ZDHHC14: variants seen among roughly 807,000 people sequenced by gnomAD.
ZDHHC14 encodes the protein zDHHC palmitoyltransferase 14.
In ZDHHC14, 16 loss-of-function variants were observed where a neutral mutation model predicts 47.7. That is an observed-to-expected ratio of 0.34 (90% CI 0.23 to 0.51). The LOEUF (loss-of-function observed/expected upper bound fraction) is 0.51. Ranked by LOEUF, ZDHHC14 falls within the 20% of genes least tolerant of loss-of-function variation. The pLI, the probability that ZDHHC14 is intolerant of heterozygous loss-of-function variation, is 0.97. For missense variants in ZDHHC14, 515 were observed against 662.5 expected (o/e 0.78, Z 2.44); for synonymous variants, 293 against 278.9 (o/e 1.05, Z -0.50).
At chr6:157,464,448 G>A (rs947425161) in intron 1 of ZDHHC14, among the ~76,000 whole-genome samples, 1 of 152,138 alleles carries the variant, frequency 6.6e-6, no homozygotes, top group Non-Finnish European at 1.5e-5. Context: ...GATAATTCCT[G>A]ATTAGATATT....
intron 1 of ZDHHC14, among the ~76,000 whole-genome samples, chr6:157,439,466 C>G (rs1778517250): frequency 6.6e-6 from 1 of 152,136 alleles, no homozygotes; most frequent in Non-Finnish European, 1.5e-5. Context: ...GAGATACCAT[C>G]TCACACCAGT....
At chr6:157,576,390 G>C (rs1347116940) in intron 2 of ZDHHC14, among the ~76,000 whole-genome samples, 1 of 152,170 alleles carries the variant, frequency 6.6e-6, no homozygotes, top group Non-Finnish European at 1.5e-5. Context: ...AATAAAAGGA[G>C]TTGACTTGTC....
intron 1 of ZDHHC14, among the ~76,000 whole-genome samples, chr6:157,432,207 C>T (rs769566338): frequency 1.3e-5 from 2 of 152,142 alleles, no homozygotes; most frequent in Non-Finnish European, 2.9e-5. Context: ...GGCTTCATAG[C>T]TGTGCATATT....
chr6:157,416,675 A>G (rs1356364952), intron 1 of ZDHHC14, among the ~76,000 whole-genome samples: 5 of 19,052 alleles, frequency 2.6e-4, no homozygotes, highest in Non-Finnish European at 1.4e-3. Context: ...CTCATTAAAA[A>G]AAAAAAAAAA....
At chr6:157,504,783 G>GTTT (rs1780283287) in intron 1 of ZDHHC14, among the ~76,000 whole-genome samples, 1 of 149,198 alleles carries the variant, frequency 6.7e-6, no homozygotes, top group Non-Finnish European at 1.5e-5. Context: ...AAAATACCAT[G>GTTT]TGTTTTGTTT....
chr6:157,563,643 T>TC (rs927410553), intron 2 of ZDHHC14, among the ~76,000 whole-genome samples: 2 of 152,112 alleles, frequency 1.3e-5, no homozygotes, highest in East Asian at 3.8e-4. Context: ...TTGGAGTGTG[T>TC]CCCCAGCCAG....
intron 1 of ZDHHC14, among the ~76,000 whole-genome samples, chr6:157,445,791 AAGAG>A (rs753709613): frequency 4.5e-4 from 69 of 151,676 alleles, no homozygotes; most frequent in Admixed American, 1.2e-3. Context: ...GAGAGAGAGA[AAGAG>A]AGAGAGAGAG....
chr6:157,649,173 G>A (rs1777700709), intron 7 of ZDHHC14, among the ~76,000 whole-genome samples: 1 of 152,174 alleles, frequency 6.6e-6, no homozygotes, highest in South Asian at 2.1e-4. Flanking sequence ...TTGTTAAAAG[G>A]TAAACTGAAG....
chr6:157,622,739 C>A (rs2114941352), intron 3 of ZDHHC14, among the ~76,000 whole-genome samples: 1 of 152,218 alleles, frequency 6.6e-6, no homozygotes, highest in East Asian at 1.9e-4. Context: ...AGTCCTGGAA[C>A]CCTGTTTTGT....
chr6:157,420,455 A>C (rs1252871594), intron 1 of ZDHHC14, among the ~76,000 whole-genome samples: 1 of 150,758 alleles, frequency 6.6e-6, no homozygotes, highest in African/African-American at 2.5e-5. Context: ...GGCTGAATCG[A>C]GGCACTAATG....
At chr6:157,641,010 C>CT (rs1028486404) in intron 5 of ZDHHC14, among the ~76,000 whole-genome samples, 39 of 151,980 alleles carry the variant, frequency 2.6e-4, no homozygotes, top group Middle Eastern at 3.4e-3. Flanking sequence ...AAAAAGGACT[C>CT]TTTTTTTTGC....
chr6:157,654,740 C>T (rs1341879942), intron 8 of ZDHHC14, among the ~76,000 whole-genome samples: 1 of 145,868 alleles, frequency 6.9e-6, no homozygotes, highest in African/African-American at 2.5e-5. Flanking sequence ...TTTTCTCTCT[C>T]TTTTTTTTTT....
chr6:157,522,835 CCCTTCCTT>C (rs1582883447), intron 1 of ZDHHC14, among the ~76,000 whole-genome samples: 8 of 25,126 alleles, frequency 3.2e-4, no homozygotes, highest in Non-Finnish European at 5.4e-4. Context: ...CTCCCTCCCT[CCCTTCCTT>C]CCTTCCTTTC....
At chr6:157,385,304 A>C (rs934272794) in intron 1 of ZDHHC14, among the ~76,000 whole-genome samples, 1 of 151,688 alleles carries the variant, frequency 6.6e-6, no homozygotes, top group Non-Finnish European at 1.5e-5. Flanking sequence ...GTTGCTCACT[A>C]TGATCCTGGG....
At chr6:157,436,635 C>T (rs993398831) in intron 1 of ZDHHC14, among the ~76,000 whole-genome samples, 4 of 152,044 alleles carry the variant, frequency 2.6e-5, no homozygotes, top group East Asian at 1.9e-4. Flanking sequence ...TGGGCACAGG[C>T]GTCAGAGCCC....
At position 157,535,630 on chromosome 6, in the gene ZDHHC14, C is replaced by T. The variant is rs149945117; in HGVS notation, c.246-6955C>T. 9.0e-3 allele frequency among the ~76,000 whole-genome samples: 1,364 copies of T among 152,268 alleles called. 13 individuals are homozygous for T. The highest frequency in any genetic ancestry group is 0.029 in the African/African-American group (1,204 of 41,548). ...AATTCCCTCCCTTCATACAGGCATGCATAGACTCCTGGCTCTGTGCGTCTG... is the reference window on the plus strand; with the variant it reads ...AATTCCCTCCCTTCATACAGGCATGTATAGACTCCTGGCTCTGTGCGTCTG... On this transcript the variant is annotated intron_variant, in intron 1 of 8. Coordinates refer to ENST00000359775, the MANE Select transcript of ZDHHC14 (RefSeq NM_024630.3).
intron 2 of ZDHHC14, among the ~76,000 whole-genome samples, chr6:157,571,660 T>G (rs981699720): frequency 6.6e-6 from 1 of 152,150 alleles, no homozygotes; most frequent in Non-Finnish European, 1.5e-5. Context: ...GGGGTTCAGC[T>G]GTTACTTGTA....
At chr6:157,652,185 T>C (rs1165835168) in intron 7 of ZDHHC14, among the ~76,000 whole-genome samples, 1 of 151,960 alleles carries the variant, frequency 6.6e-6, no homozygotes, top group Non-Finnish European at 1.5e-5. Flanking sequence ...AGGCAGAGAG[T>C]CCCATTTGAG....
chr6:157,414,142 G>A (rs1344202014), intron 1 of ZDHHC14, among the ~76,000 whole-genome samples: 3 of 152,274 alleles, frequency 2.0e-5, no homozygotes, highest in Admixed American at 1.3e-4. Context: ...ATGTTGGCCA[G>A]GATGGTCTCA....
Sources: allele counts gnomAD v4.1 joint callset (sites outside exome capture counted in the v4.1 genomes callset), GRCh38; gene constraint gnomAD v4.1.1; transcripts MANE v1.5; gene names NCBI Gene and HGNC (gene_info 2026-07-23, HGNC 2026-07-21).